Variants in COTL1 observed in about 807,000 individuals in gnomAD.
COTL1 encodes the protein coactosin like F-actin binding protein 1, also known as coactosin-like protein.
A neutral mutation model predicts 16.5 loss-of-function variants in COTL1; 15 were observed. The observed-to-expected ratio is 0.91, with a 90% confidence interval of 0.61 to 1.40. COTL1 has a LOEUF of 1.40. COTL1 is among the 40% of genes most tolerant of loss of function. The pLI is 0.00. For missense variants in COTL1, 220 were observed against 201.5 expected, an observed-to-expected ratio of 1.09 and a Z score of -0.56; for synonymous variants, 112 against 85.3, an observed-to-expected ratio of 1.31 and a Z score of -1.73.
chr16:84,592,195 G>A (rs1357548067), intron 2 of COTL1, among the ~76,000 whole-genome samples: 2 of 152,218 alleles, frequency 1.3e-5, no homozygotes, highest in Non-Finnish European at 2.9e-5. Flanking sequence ...GACCCCTTTT[G>A]TGTTTTCCAA....
At chr16:84,616,453 A>T (rs2150699473) in intron 2 of COTL1, 1 of 152,188 alleles carries the variant, frequency 6.6e-6, no homozygotes, top group East Asian at 1.9e-4. Flanking sequence ...CAGTTAGCTG[A>T]GATTGTACCA....
At position 84,614,386 on chromosome 16, in the gene COTL1, C is replaced by T. The variant is rs563954019; in HGVS notation, c.160+3115G>A. ...AACTGGCCTGGCAGCACAGACACCC[C>T]GTGGCCCTCTGGAAAACAGCTCTGA... On this transcript the variant is annotated intron_variant, in intron 2 of 3. Transcript: ENST00000262428. Among the ~76,000 whole-genome samples, 28 of 151,876 alleles carry T rather than the reference C, an allele frequency of 1.8e-4. No homozygotes were observed. In the South Asian group the frequency reaches 3.1e-3, roughly 17 times the overall value.
intron 1 of COTL1, 70 bp downstream of exon 1, chr16:84,617,768 G>A (rs1337647175): frequency 2.0e-6 from 3 of 1,474,078 alleles, no homozygotes; most frequent in Non-Finnish European, 2.8e-6. Context: ...CCGCCTGGAG[G>A]CCGGCTCGGT....
At chr16:84,611,502 T>A (rs979110924) in intron 2 of COTL1, among the ~76,000 whole-genome samples, 2 of 152,184 alleles carry the variant, frequency 1.3e-5, no homozygotes, top group South Asian at 2.1e-4. Flanking sequence ...TTCAAGAATA[T>A]AGATAAAAAT....
chr16:84,580,133 C>T (rs1019121929), intron 3 of COTL1, among the ~76,000 whole-genome samples: 6 of 152,222 alleles, frequency 3.9e-5, no homozygotes, highest in Non-Finnish European at 7.3e-5. Flanking sequence ...TGGTGGAGGG[C>T]AGCCAGGTCA....
Position 84,566,943 on chromosome 16 carries a change from C to A in COTL1, c.331G>T (p.Glu111Ter). 1 of 1,613,048 alleles carries A rather than the reference C, an allele frequency of 6.2e-7. No homozygotes were observed. Among genetic ancestry groups the A allele is most frequent in the East Asian group, 2.2e-5 (1 of 44,882 alleles). ...TCCTTCCGATCACTGATCACAAACTCCTTAGCGAAATTCTGCAAGAACAAA... is the reference window on the plus strand; with the variant it reads ...TCCTTCCGATCACTGATCACAAACTACTTAGCGAAATTCTGCAAGAACAAA... Reference protein sequence around the residue: ...VKEVVQNFAKEFVISDRKELE... With the variant: ...VKEVVQNFAK Residue 111 changes from glutamate to a stop codon, truncating the protein, a stop_gained, in exon 4 of 4, where the codon GAG (glutamate) becomes TAG (stop). Transcript: ENST00000262428. LOFTEE classifies it high-confidence loss of function.
intron 2 of COTL1, chr16:84,616,461 C>G (rs1261047216): frequency 4.0e-5 from 6 of 151,660 alleles, no homozygotes. Flanking sequence ...TGAGATTGTA[C>G]CACTGCACTC....
chr16:84,617,843 G>T lies in COTL1; in HGVS notation c.72C>A (p.Val24=). 6.4e-7 allele frequency: 1 copy of T among 1,572,394 alleles called. No homozygotes were observed. The highest frequency in any genetic ancestry group is 8.6e-7 in the Non-Finnish European group (1 of 1,160,024). ...GACGAATGAAAAGTTCCTACCAGAT[G>T]ACGGCCGAGCCGTCGTCGCGCACCA... ...YNLVRDDGSA[V]IWVTFKYDGS... The change falls in exon 1 of 4, where the codon GTC becomes GTA. Residue 24 remains valine, a synonymous_variant. Coordinates refer to ENST00000262428, the MANE Select transcript of COTL1 (RefSeq NM_021149.5).
At chr16:84,602,304 T>C (rs1043234276) in intron 2 of COTL1, among the ~76,000 whole-genome samples, 11 of 151,292 alleles carry the variant, frequency 7.3e-5, no homozygotes, top group African/African-American at 2.2e-4. Flanking sequence ...GGCAGGAGGA[T>C]TGCTTGAGCC....
chr16:84,602,295 G>C lies in COTL1; in HGVS notation c.161-12033C>G, dbSNP rs530997206. ...AATCCCAACACTTTGGGAGGCCGAG[G>C]CAGGAGGATTGCTTGAGCCCAGGAG... On this transcript the variant is annotated intron_variant, in intron 2 of 3. Coordinates refer to ENST00000262428, the MANE Select transcript of COTL1 (RefSeq NM_021149.5). Among the ~76,000 whole-genome samples, 3 of 151,924 alleles carry C rather than the reference G, an allele frequency of 2.0e-5. No homozygotes were observed. In the East Asian group the frequency reaches 5.8e-4, roughly 29 times the overall value.
intron 2 of COTL1, among the ~76,000 whole-genome samples, chr16:84,615,582 C>T (rs749774738): frequency 6.6e-6 from 1 of 152,204 alleles, no homozygotes; most frequent in African/African-American, 2.4e-5. Flanking sequence ...GGAAGCTGGT[C>T]TGTAAAGCAT....
chr16:84,599,583 G>GA (rs1905072172), intron 2 of COTL1, among the ~76,000 whole-genome samples: 1 of 152,092 alleles, frequency 6.6e-6, no homozygotes, highest in Admixed American at 6.5e-5. Context: ...TGGGCCAATG[G>GA]AAAGAAAAAA....
rs945164797 is a variant in COTL1, at chr16:84,609,105, C to T, written c.160+8396G>A. 3.9e-5 allele frequency among the ~76,000 whole-genome samples: 6 copies of T among 152,262 alleles called. No homozygotes were observed. The South Asian group carries it at 1.0e-3, about 26-fold the overall frequency. On this transcript the variant is annotated intron_variant, in intron 2 of 3. Transcript: ENST00000262428. Reference sequence around the variant, plus strand: ...AAAGCAATTTCTCTCCTTCCCTTCTCGCCCAAATTTCTGAAACCCGGGTGT... The same window carrying T: ...AAAGCAATTTCTCTCCTTCCCTTCTTGCCCAAATTTCTGAAACCCGGGTGT...
At chr16:84,591,944 T>C (rs1173808236) in intron 2 of COTL1, among the ~76,000 whole-genome samples, 3 of 152,190 alleles carry the variant, frequency 2.0e-5, no homozygotes, top group African/African-American at 7.2e-5. Context: ...GGTGCATGTG[T>C]ACCCCACTAG....
intron 2 of COTL1, among the ~76,000 whole-genome samples, chr16:84,614,237 C>A (rs535973915): frequency 6.6e-5 from 10 of 152,194 alleles, no homozygotes; most frequent in Non-Finnish European, 1.2e-4. Flanking sequence ...GAGCAAGAAG[C>A]AAGAGCGGAG....
intron 3 of COTL1, among the ~76,000 whole-genome samples, chr16:84,589,680 T>C (rs948164692): frequency 1.3e-5 from 2 of 151,990 alleles, no homozygotes; most frequent in Non-Finnish European, 2.9e-5. Flanking sequence ...ATGGCCAGAA[T>C]GGAAAAGACT....
chr16:84,584,310 T>A (rs1196006925), intron 3 of COTL1, among the ~76,000 whole-genome samples: 3 of 152,234 alleles, frequency 2.0e-5, no homozygotes, highest in Admixed American at 2.0e-4. Context: ...TGTCTTGTTT[T>A]CCCCCAGCCA....
chr16:84,591,154 T>C (rs1386551466), intron 2 of COTL1, among the ~76,000 whole-genome samples: 27 of 151,906 alleles, frequency 1.8e-4, no homozygotes, highest in Admixed American at 1.8e-3. Context: ...CACTGCTCTG[T>C]ATTATCAAAA....
chr16:84,581,978 C>CTTTTTTTTTTTTTTTTTTTTTTTTTT (rs11332563), intron 3 of COTL1, among the ~76,000 whole-genome samples: 4 of 66,034 alleles, frequency 6.1e-5, no homozygotes, highest in Non-Finnish European at 1.3e-4. Context: ...TACATTTCTT[C>CTTTTTTTTTTTTTTTTTTTTTTTTTT]TTTTTTTTTT....
Sources: allele counts gnomAD v4.1 joint callset (sites outside exome capture counted in the v4.1 genomes callset), GRCh38; gene constraint gnomAD v4.1.1; transcripts MANE v1.5; gene names NCBI Gene and HGNC (gene_info 2026-07-23, HGNC 2026-07-21).